KIF13B: variants seen among roughly 807,000 people sequenced by gnomAD.
The protein encoded by KIF13B is kinesin-like protein KIF13B.
In KIF13B, 127 loss-of-function variants were observed where a neutral mutation model predicts 222.0. That is an observed-to-expected ratio of 0.57 (90% CI 0.50 to 0.66). The LOEUF is 0.66. Ranked by LOEUF, KIF13B falls within the 30% of genes least tolerant of loss-of-function variation. The pLI is 0.00. For synonymous variants in KIF13B, 976 were observed against 919.0 expected (o/e 1.06, Z -1.12); for missense variants, 2,173 against 2,379.0 (o/e 0.91, Z 1.80).
chr8:29,099,141 G>A lies in KIF13B; in HGVS notation c.4316C>T (p.Pro1439Leu), dbSNP rs771344374. ...GTGAAAAGATAACTTACCTGGATCT[G>A]GAGAATGGTTATTTTGGGGAGAAAC... is the stretch of plus-strand genomic sequence containing the variant. ...LSVSPQNNHSPDPGLSNLAAS... is the reference protein window; with the variant it reads ...LSVSPQNNHSLDPGLSNLAAS... Residue 1439 changes from proline to leucine, a missense_variant, in exon 36 of 40, where the codon CCA becomes CTA. By Grantham distance (98) the Pro-to-Leu change is moderately conservative. Transcript: ENST00000524189. The A allele has an allele frequency of 6.2e-7, 1 of 1,609,510 alleles. No individual in the cohort carries two copies. The highest frequency in any genetic ancestry group is 1.3e-5 in the African/African-American group (1 of 74,954).
intron 8 of KIF13B, among the ~76,000 whole-genome samples, chr8:29,178,648 T>C (rs937600624): frequency 4.5e-5 from 4 of 89,422 alleles, no homozygotes; most frequent in Admixed American, 1.3e-4. Context: ...AAAGTACTTT[T>C]AGTTAAAAAA....
chr8:29,205,855 GGAGGATCACTTGAT>G (rs1303807051), intron 2 of KIF13B, among the ~76,000 whole-genome samples: 1 of 152,054 alleles, frequency 6.6e-6, no homozygotes, highest in Non-Finnish European at 1.5e-5. Flanking sequence ...GGCTGAGGCG[GGAGGATCACTTGAT>G]CCCAGGAGTT....
Position 29,126,462 on chromosome 8 carries a change from A to G in KIF13B, c.3252+20T>C, listed in dbSNP as rs374517258. On this transcript the variant is annotated intron_variant, in intron 26 of 39. Transcript: ENST00000524189. Reference sequence around the variant, plus strand: ...TTTAATCATGCTTATTTGAGATGAGATTAACAGGTGCTAAATTACCTGGTA... The same window carrying G: ...TTTAATCATGCTTATTTGAGATGAGGTTAACAGGTGCTAAATTACCTGGTA... 137 of 1,494,672 alleles carry G rather than the reference A, an allele frequency of 9.2e-5. No homozygotes were observed. In the African/African-American group the frequency reaches 1.8e-3, roughly 19 times the overall value. 92.6% of individuals were successfully genotyped at this position (1,494,672 alleles called of 1,614,324 possible).
intron 13 of KIF13B, among the ~76,000 whole-genome samples, chr8:29,160,162 T>C (rs550639564): frequency 4.3e-4 from 66 of 152,356 alleles, no homozygotes; most frequent in African/African-American, 1.5e-3. Context: ...CCATGATTTA[T>C]AGATTTCAGT....
chr8:29,158,977 T>C (rs1365901227), intron 13 of KIF13B, among the ~76,000 whole-genome samples: 1 of 152,234 alleles, frequency 6.6e-6, no homozygotes, highest in Non-Finnish European at 1.5e-5. Flanking sequence ...AGAAAAAGAA[T>C]GTCTGGTTCT....
At chr8:29,242,613 T>A (rs1815829905) in intron 2 of KIF13B, among the ~76,000 whole-genome samples, 1 of 152,228 alleles carries the variant, frequency 6.6e-6, no homozygotes, top group Admixed American at 6.5e-5. Context: ...ATAAAATGTA[T>A]CCATGTGTAT....
Position 29,183,168 on chromosome 8 carries a change from G to GTTT in KIF13B, c.498-1165_498-1163dup, listed in dbSNP as rs58034349. ...TAATAAATTATAATCCTTAAAGTTT[G>GTTT]TTTTTTTTTTTTTTTTTTTCCAATG... On this transcript the variant is annotated intron_variant, in intron 6 of 39. Transcript: ENST00000524189. 2.3e-3 allele frequency among the ~76,000 whole-genome samples: 271 copies of GTTT among 117,648 alleles called. 3 individuals carry two copies. Among genetic ancestry groups the GTTT allele is most frequent in the Middle Eastern group, 5.1e-3 (1 of 198 alleles). The allele number at this position is 117,648 out of a possible 152,430, so 77.2% of individuals were successfully genotyped here. A position where few individuals can be genotyped will look rare whatever the true frequency, so the allele number is the denominator to read the frequency against.
At chr8:29,106,444 C>G (rs1241375969) in intron 35 of KIF13B, among the ~76,000 whole-genome samples, 1 of 151,948 alleles carries the variant, frequency 6.6e-6, no homozygotes, top group African/African-American at 2.4e-5. Context: ...CCAGGCTGGC[C>G]AACATGGTGA....
chr8:29,239,991 G>A (rs1815692486), intron 2 of KIF13B, among the ~76,000 whole-genome samples: 1 of 147,446 alleles, frequency 6.8e-6, no homozygotes, highest in South Asian at 2.1e-4. Flanking sequence ...AAACCTGTAT[G>A]TGTACCCCTG....
At chr8:29,119,944 A>G (rs1253170080) in intron 29 of KIF13B, among the ~76,000 whole-genome samples, 4 of 152,228 alleles carry the variant, frequency 2.6e-5, no homozygotes, top group Non-Finnish European at 4.4e-5. Context: ...CACGGAGGAC[A>G]TCCACACTCA....
intron 35 of KIF13B, among the ~76,000 whole-genome samples, chr8:29,099,819 G>A (rs1463018832): frequency 6.6e-6 from 1 of 151,820 alleles, no homozygotes; most frequent in East Asian, 1.9e-4. Context: ...TTTCTACTCT[G>A]CATCCTGTTG....
chr8:29,184,113 T>C (rs921243587), intron 6 of KIF13B, among the ~76,000 whole-genome samples: 1 of 152,150 alleles, frequency 6.6e-6, no homozygotes. Context: ...TAGTCTATTA[T>C]TGACTTTTTT....
chr8:29,226,848 A>G (rs1298486325), intron 2 of KIF13B, among the ~76,000 whole-genome samples: 1 of 152,220 alleles, frequency 6.6e-6, no homozygotes, highest in Non-Finnish European at 1.5e-5. Flanking sequence ...AATTGTAGCT[A>G]AAGTGTAGAT....
intron 1 of KIF13B, among the ~76,000 whole-genome samples, chr8:29,252,048 G>A (rs1321371054): frequency 6.6e-6 from 1 of 151,822 alleles, no homozygotes; most frequent in East Asian, 1.9e-4. Context: ...AAGGGGGATG[G>A]GAGAAGGGGG....
intron 35 of KIF13B, among the ~76,000 whole-genome samples, chr8:29,101,878 A>AT (rs1183102149): frequency 6.6e-6 from 1 of 152,050 alleles, no homozygotes; most frequent in Non-Finnish European, 1.5e-5. Flanking sequence ...ACGCCTACGA[A>AT]TCTCTGCGGA....
intron 37 of KIF13B, among the ~76,000 whole-genome samples, chr8:29,076,403 C>G (rs1025137685): frequency 2.0e-5 from 3 of 152,234 alleles, no homozygotes; most frequent in African/African-American, 7.2e-5. Context: ...GAGATGTGGA[C>G]TCCACGTCTC....
chr8:29,167,313 C>CA, intron 11 of KIF13B, 60 bp downstream of exon 11: 2 of 1,419,850 alleles, frequency 1.4e-6, no homozygotes, highest in Non-Finnish European at 2.0e-6. Context: ...GAAGGAAATT[C>CA]AAGCTCTAGG....
intron 1 of KIF13B, among the ~76,000 whole-genome samples, chr8:29,251,984 T>A (rs189034950): frequency 7.5e-6 from 1 of 132,908 alleles, no homozygotes; most frequent in African/African-American, 2.9e-5. Flanking sequence ...TGCTTTGACA[T>A]ACCCATGAGC....
chr8:29,217,404 C>T (rs918975168), intron 2 of KIF13B, among the ~76,000 whole-genome samples: 1 of 152,238 alleles, frequency 6.6e-6, no homozygotes, highest in African/African-American at 2.4e-5. Context: ...ACTATGTGAC[C>T]TTGGGCAACT....
Sources: gnomAD v4.1 joint callset for allele counts (sites outside exome capture counted in the v4.1 genomes callset) on GRCh38, gnomAD v4.1.1 for gene constraint, MANE v1.5 for transcripts, NCBI Gene and HGNC (gene_info 2026-07-23, HGNC 2026-07-21) for gene names.